PAM: variants seen among roughly 807,000 people sequenced by gnomAD.
PAM encodes peptidylglycine alpha-amidating monooxygenase, also known as peptidyl-glycine alpha-amidating monooxygenase.
A neutral mutation model predicts 122.1 loss-of-function variants in PAM; 72 were observed. That is an observed-to-expected ratio of 0.59 (90% CI 0.49 to 0.72). The LOEUF is 0.72. Among genes scored for constraint, PAM ranks in the 30% least tolerant of loss-of-function variants. The pLI is 0.00. For missense variants in PAM, 1,106 were observed against 1,183.7 expected, an observed-to-expected ratio of 0.93 and a Z score of 0.96; for synonymous variants, 389 against 404.4, an observed-to-expected ratio of 0.96 and a Z score of 0.46.
intron 1 of PAM, among the ~76,000 whole-genome samples, chr5:102,797,102 T>C (rs1763562662): frequency 6.6e-6 from 1 of 152,218 alleles, no homozygotes. Context: ...AGAATATCTT[T>C]AACATACCAA....
chr5:102,906,633 T>G (rs959498219), intron 4 of PAM, among the ~76,000 whole-genome samples: 1 of 151,712 alleles, frequency 6.6e-6, no homozygotes, highest in Non-Finnish European at 1.5e-5. Flanking sequence ...CTCATCTATT[T>G]GGGAGGACAA....
intron 3 of PAM, among the ~76,000 whole-genome samples, chr5:102,899,369 G>T (rs1369457652): frequency 6.6e-6 from 1 of 151,422 alleles, no homozygotes; most frequent in Non-Finnish European, 1.5e-5. Flanking sequence ...GAACCAACTT[G>T]CTGAATTTGA....
intron 21 of PAM, 137 bp from the exon 22 acceptor site, chr5:103,017,197 C>A (rs1359245398): frequency 1.6e-6 from 1 of 636,712 alleles, no homozygotes. Flanking sequence ...AGGGTTGCTT[C>A]AATAGGAAAT....
chr5:102,867,607 T>C (rs761187335), intron 3 of PAM, among the ~76,000 whole-genome samples: 7 of 152,230 alleles, frequency 4.6e-5, no homozygotes, highest in African/African-American at 2.4e-5. Flanking sequence ...ATTTTACTTA[T>C]ATTATCATTT....
At chr5:102,904,783 T>C (rs112952220) in intron 4 of PAM, among the ~76,000 whole-genome samples, 5 of 151,636 alleles carry the variant, frequency 3.3e-5, no homozygotes, top group South Asian at 2.1e-4. Context: ...ACAGACTCTC[T>C]TGATGGCATT....
At chr5:102,796,537 C>A (rs913098557) in intron 1 of PAM, among the ~76,000 whole-genome samples, 4 of 152,022 alleles carry the variant, frequency 2.6e-5, no homozygotes, top group African/African-American at 4.8e-5. Flanking sequence ...ATTCTCTTAC[C>A]TGTTTATTGT....
chr5:102,970,446 A>T (rs1295529472), intron 14 of PAM, among the ~76,000 whole-genome samples: 1 of 152,182 alleles, frequency 6.6e-6, no homozygotes, highest in East Asian at 1.9e-4. Flanking sequence ...GAGAAGATGG[A>T]AAAGCCTGAA....
intron 6 of PAM, among the ~76,000 whole-genome samples, chr5:102,926,155 C>T (rs62362513): frequency 0.26 from 39,247 of 151,742 alleles, 5,526 homozygotes; most frequent in East Asian, 0.43. Flanking sequence ...ACTGCAGTGG[C>T]GCAATCTCGG....
At chr5:102,846,348 T>C (rs1218231491) in intron 1 of PAM, among the ~76,000 whole-genome samples, 3 of 152,204 alleles carry the variant, frequency 2.0e-5, no homozygotes, top group Admixed American at 6.5e-5. Flanking sequence ...CTCCTGCCCT[T>C]TTCTCTGGTC....
At chr5:102,768,313 G>T (rs1025286713) in intron 1 of PAM, among the ~76,000 whole-genome samples, 3 of 151,708 alleles carry the variant, frequency 2.0e-5, no homozygotes, top group Non-Finnish European at 4.4e-5. Context: ...AGTAAAATGG[G>T]TATCCATTAC....
In PAM at chr5:102,866,208, G is replaced by C; in HGVS notation, c.13G>C (p.Val5Leu). The change falls in exon 2 of 26, where the codon GTC becomes CTC. Residue 5 changes from valine (V) to leucine (L), a missense_variant. Physicochemically the swap from Val to Leu is conservative, Grantham distance 32. Around this residue, in one of 3 missense-constraint regions of PAM, gnomAD observed 670 missense variants for 690.3 expected, o/e 0.97. Coordinates refer to ENST00000438793, the MANE Select transcript of PAM (RefSeq NM_001177306.2). ...TATCGGCGTGGACATGGCTGGCCGC[G>C]TCCCTAGCCTGCTAGTTCTCCTTGT... MAGR[V>L]PSLLVLLVFP... 6.2e-7 allele frequency: 1 copy of C among 1,612,756 alleles called. No individual in the cohort carries two copies. The highest frequency in any genetic ancestry group is 8.5e-7 in the Non-Finnish European group (1 of 1,179,326).
intron 3 of PAM, among the ~76,000 whole-genome samples, chr5:102,884,376 C>T (rs1792293571): frequency 6.6e-6 from 1 of 151,760 alleles, no homozygotes; most frequent in South Asian, 2.1e-4. Flanking sequence ...ATAAATGTTT[C>T]ATTCCTATTC....
intron 5 of PAM, among the ~76,000 whole-genome samples, chr5:102,920,392 C>A (rs565014902): frequency 6.6e-6 from 1 of 152,184 alleles, no homozygotes; most frequent in South Asian, 2.1e-4. Flanking sequence ...TATGGACTTA[C>A]TGCCTGTCTA....
At chr5:102,851,010 A>G (rs1235618359) in intron 1 of PAM, among the ~76,000 whole-genome samples, 1 of 152,202 alleles carries the variant, frequency 6.6e-6, no homozygotes, top group Non-Finnish European at 1.5e-5. Flanking sequence ...AGATTAGTTT[A>G]TTGACTGAAT....
At chr5:102,919,847 T>C (rs925743325) in intron 5 of PAM, among the ~76,000 whole-genome samples, 2 of 152,102 alleles carry the variant, frequency 1.3e-5, no homozygotes, top group Admixed American at 6.6e-5. Context: ...ATTAAGGTAC[T>C]TGGATTAAAG....
At chr5:102,905,252 T>C (rs912073690) in intron 4 of PAM, among the ~76,000 whole-genome samples, 3 of 151,584 alleles carry the variant, frequency 2.0e-5, no homozygotes, top group African/African-American at 7.3e-5. Context: ...GCCAAGAAAT[T>C]TGACTGTCAT....
intron 23 of PAM, among the ~76,000 whole-genome samples, chr5:103,023,205 C>T (rs1198943507): frequency 6.6e-6 from 1 of 152,028 alleles, no homozygotes; most frequent in Non-Finnish European, 1.5e-5. Flanking sequence ...TCCACAGTTC[C>T]TTCCATTTAA....
intron 1 of PAM, among the ~76,000 whole-genome samples, chr5:102,765,908 G>A (rs1256784175): frequency 6.6e-6 from 1 of 152,092 alleles, no homozygotes; most frequent in East Asian, 1.9e-4. Flanking sequence ...CATCTGCAAA[G>A]ACCCTATTTC....
chr5:103,007,337 A>ATCTT, intron 19 of PAM, 120 bp from the exon 20 acceptor site: 1 of 780,604 alleles, frequency 1.3e-6, no homozygotes, highest in Non-Finnish European at 2.2e-6. Context: ...GCTTTACCTT[A>ATCTT]TCTTTCCCCT....
Sources: allele counts gnomAD v4.1 joint callset (sites outside exome capture counted in the v4.1 genomes callset), GRCh38; gene constraint gnomAD v4.1.1; regional missense constraint gnomAD v4.1.1; transcripts MANE v1.5; gene names NCBI Gene and HGNC (gene_info 2026-07-23, HGNC 2026-07-21).